The following AKAP3 variants were observed in gnomAD, a reference collection of about 807,000 sequenced individuals.
AKAP3 encodes A-kinase anchoring protein 3.
AKAP3 carries 27 observed loss-of-function variants against 57.2 expected under a neutral mutation model. The observed-to-expected ratio is 0.47, with a 90% CI of 0.35 to 0.65. AKAP3 has a LOEUF of 0.65. Among genes scored for constraint, AKAP3 ranks in the 30% least tolerant of loss-of-function variants. The pLI is 0.01. For missense variants in AKAP3, 959 were observed against 1,040.0 expected, an observed-to-expected ratio of 0.92 and a Z score of 1.07; for synonymous variants, 334 against 392.3, an observed-to-expected ratio of 0.85 and a Z score of 1.76.
intron 2 of AKAP3, among the ~76,000 whole-genome samples, chr12:4,642,696 T>TTTCA (rs970239245): frequency 6.6e-6 from 1 of 152,208 alleles, no homozygotes; most frequent in African/African-American, 2.4e-5. Context: ...TTTCAATGTG[T>TTTCA]ACATTCTATC....
intron 3 of AKAP3, among the ~76,000 whole-genome samples, chr12:4,640,889 A>G (rs1238449473): frequency 6.6e-6 from 1 of 152,140 alleles, no homozygotes; most frequent in African/African-American, 2.4e-5. Flanking sequence ...AAACTTAGGC[A>G]TTCTTAACAT....
At chr12:4,637,607 G>T (rs997343740) in intron 4 of AKAP3, among the ~76,000 whole-genome samples, 1 of 152,084 alleles carries the variant, frequency 6.6e-6, no homozygotes, top group Non-Finnish European at 1.5e-5. Context: ...AGACCCTGAC[G>T]ATACATTGCC....
At chr12:4,647,003 G>T (rs555169620) in intron 1 of AKAP3, among the ~76,000 whole-genome samples, 15 of 152,016 alleles carry the variant, frequency 9.9e-5, no homozygotes, top group African/African-American at 3.6e-4. Flanking sequence ...AGCTGGTCTC[G>T]AACTCCTGAC....
chr12:4,646,516 C>G (rs1370052932), intron 1 of AKAP3, among the ~76,000 whole-genome samples: 1 of 151,820 alleles, frequency 6.6e-6, no homozygotes, highest in Non-Finnish European at 1.5e-5. Context: ...ACTAAAAATA[C>G]AAAAAATTAG....
At chr12:4,644,789 C>T (rs1379267773) in intron 2 of AKAP3, among the ~76,000 whole-genome samples, 2 of 152,132 alleles carry the variant, frequency 1.3e-5, no homozygotes, top group African/African-American at 4.8e-5. Context: ...TGGTGGATGC[C>T]TGTAATCTCA....
Position 4,628,796 on chromosome 12 carries a change from T to G in AKAP3, c.106A>C (p.Thr36Pro). Residue 36 changes from threonine to proline, a missense_variant, in exon 5 of 6, where the codon ACG (threonine) becomes CCG (proline). Thr to Pro is a conservative substitution (Grantham distance 38, BLOSUM62 -1). Coordinates refer to ENST00000228850, the MANE Select transcript of AKAP3 (RefSeq NM_001278309.2). ...CAGCTGAGCACTCTGACAGGATCCG[T>G]GGAGGTGTCCTTAAAAATAGACAAG... Reference protein sequence around the residue: ...QAQDWKMDTSTDPVRVLSWLR... With the variant: ...QAQDWKMDTSPDPVRVLSWLR... The G allele has an allele frequency of 6.2e-7, 1 of 1,600,610 alleles. No homozygotes were observed. Among genetic ancestry groups the G allele is most frequent in the Non-Finnish European group, 8.5e-7 (1 of 1,169,724 alleles).
At position 4,626,958 on chromosome 12, in the gene AKAP3, A is replaced by T; in HGVS notation, c.1944T>A (p.Gly648=). The change falls in exon 5 of 6, where the codon GGT becomes GGA. Residue 648 remains glycine, a synonymous_variant. Transcript: ENST00000228850. ...CCATCTTGGTCAGCCCAGAAAGGGCACCAGGGGTCTCATCATCCTCATATA... is the reference window on the plus strand; with the variant it reads ...CCATCTTGGTCAGCCCAGAAAGGGCTCCAGGGGTCTCATCATCCTCATATA... The part of the protein sequence containing the change: ...PRLYEDDETP[G]ALSGLTKMAV... 6.2e-7 allele frequency: 1 copy of T among 1,614,156 alleles called. No individual in the cohort carries two copies. Among genetic ancestry groups the T allele is most frequent in the South Asian group, 1.1e-5 (1 of 91,076 alleles).
In AKAP3 at chr12:4,619,978, A is replaced by G. The variant is rs535217680; in HGVS notation, c.2407-4084T>C. Among the ~76,000 whole-genome samples, 3 of 152,346 alleles carry G rather than the reference A, an allele frequency of 2.0e-5. No homozygotes were observed. In the East Asian group the frequency reaches 5.8e-4, roughly 29 times the overall value. On this transcript the variant is annotated intron_variant, in intron 5 of 5. Coordinates refer to ENST00000228850, the MANE Select transcript of AKAP3 (RefSeq NM_001278309.2). ...AGGAAAGGCAAATTTATAATGATGG[A>G]AAGGTTAATGGTTGCCCATGGATAG...
chr12:4,626,552 C>A lies in AKAP3; in HGVS notation c.2350G>T (p.Glu784Ter). 6.2e-7 allele frequency: 1 copy of A among 1,614,182 alleles called. No homozygotes were observed. Among genetic ancestry groups the A allele is most frequent in the Non-Finnish European group, 8.5e-7 (1 of 1,180,014 alleles). The stretch of plus-strand genomic sequence containing the variant: ...AAATACAAAATAGGGACATTGAGCT[C>A]AGAGGCAGCTACCCATTGAAGGACG... ...QAVLQWVAASELNVPILYFAG... is the reference protein window; with the variant it reads ...QAVLQWVAAS The change falls in exon 5 of 6, where the codon GAG becomes TAG. Residue 784 changes from glutamate (E) to a stop codon, truncating the protein, a stop_gained. Transcript: ENST00000228850. LOFTEE classifies it high-confidence loss of function.
chr12:4,618,207 C>A (rs920789644), intron 5 of AKAP3, among the ~76,000 whole-genome samples: 1 of 151,926 alleles, frequency 6.6e-6, no homozygotes. Flanking sequence ...AAAATATAAC[C>A]CAAGTGTATG....
chr12:4,632,877 T>C (rs1342520083), intron 4 of AKAP3, among the ~76,000 whole-genome samples: 1 of 152,146 alleles, frequency 6.6e-6, no homozygotes, highest in African/African-American at 2.4e-5. Context: ...CCTGACCTCG[T>C]GATCCGCCTG....
chr12:4,618,696 A>T (rs1441895974), intron 5 of AKAP3, among the ~76,000 whole-genome samples: 4 of 152,204 alleles, frequency 2.6e-5, no homozygotes, highest in Admixed American at 2.0e-4. Flanking sequence ...ACAGCCAAAT[A>T]CGTCTCCAGA....
Position 4,628,196 on chromosome 12 carries a change from A to T in AKAP3, c.706T>A (p.Ser236Thr). Residue 236 changes from serine (S) to threonine (T), a missense_variant, in exon 5 of 6, where the codon TCT becomes ACT. Ser to Thr is a moderately conservative substitution (Grantham distance 58). Coordinates refer to ENST00000228850, the MANE Select transcript of AKAP3 (RefSeq NM_001278309.2). ...TCCTTATAGAAGAAAGACTTCTTAG[A>T]AGGAGGCTTGTCATCTGGACCCTGT... Reference protein sequence around the residue: ...ERQGPDDKPPSKKSFFYKEVF... With the variant: ...ERQGPDDKPPTKKSFFYKEVF... The T allele has an allele frequency of 6.2e-7, 1 of 1,614,134 alleles. No individual in the cohort carries two copies. Among genetic ancestry groups the T allele is most frequent in the Non-Finnish European group, 8.5e-7 (1 of 1,180,014 alleles).
chr12:4,648,968 C>T lies in AKAP3; in HGVS notation c.-468G>A, dbSNP rs879906352. Reference sequence around the variant, plus strand: ...AGTCTTTTCACTTCCTTTCTTCCCCCTCTCCTTCACTTTCCCAGCTTTCTT... The same window carrying T: ...AGTCTTTTCACTTCCTTTCTTCCCCTTCTCCTTCACTTTCCCAGCTTTCTT... On this transcript the variant is annotated 5_prime_UTR_variant, in exon 1 of 6. Transcript: ENST00000228850. 34 of 753,950 alleles carry T rather than the reference C, an allele frequency of 4.5e-5. No individual in the cohort carries two copies. The Admixed American group carries it at 9.0e-4, about 20-fold the overall frequency. 46.7% of individuals were successfully genotyped at this position (753,950 alleles called of 1,614,324 possible). A position where few individuals can be genotyped will look rare whatever the true frequency, so the allele number is the denominator to read the frequency against.
intron 2 of AKAP3, among the ~76,000 whole-genome samples, chr12:4,642,838 T>C (rs1394114533): frequency 6.6e-6 from 1 of 152,226 alleles, no homozygotes; most frequent in Non-Finnish European, 1.5e-5. Context: ...AATAATTATC[T>C]GCTGGAAGAA....
chr12:4,648,248 G>C (rs1248169897), intron 1 of AKAP3, among the ~76,000 whole-genome samples: 2 of 152,184 alleles, frequency 1.3e-5, no homozygotes, highest in Non-Finnish European at 2.9e-5. Flanking sequence ...GCGCTAGAGA[G>C]AGCCATCTGC....
Position 4,628,245 on chromosome 12 carries a change from C to T in AKAP3, c.657G>A (p.Lys219=). 6.2e-7 allele frequency: 1 copy of T among 1,614,116 alleles called. No individual in the cohort carries two copies. Among genetic ancestry groups the T allele is most frequent in the Middle Eastern group, 1.7e-4 (1 of 6,060 alleles). ...PPNLKYKSTL[K]IKESTKERQG... ...GTCTTTCTTTGGTGCTCTCCTTGAT[C>T]TTCAAAGTGGACTTGTATTTCAAAT... is the stretch of plus-strand genomic sequence containing the variant. Residue 219 remains lysine (K), a synonymous_variant, in exon 5 of 6, where the codon AAG becomes AAA. Transcript: ENST00000228850.
intron 4 of AKAP3, chr12:4,635,479 T>G: frequency 1.5e-6 from 1 of 671,318 alleles, no homozygotes; most frequent in South Asian, 1.6e-5. Context: ...AACATTTCAT[T>G]TACATTCACT....
At chr12:4,633,292 T>TA (rs1195956599) in intron 4 of AKAP3, among the ~76,000 whole-genome samples, 2 of 151,850 alleles carry the variant, frequency 1.3e-5, no homozygotes, top group African/African-American at 4.8e-5. Context: ...AAATAAAATT[T>TA]AAAAAAATAA....
Sources: gnomAD v4.1 joint callset for allele counts (sites outside exome capture counted in the v4.1 genomes callset) on GRCh38, gnomAD v4.1.1 for gene constraint, MANE v1.5 for transcripts, NCBI Gene and HGNC (gene_info 2026-07-23, HGNC 2026-07-21) for gene names.